XYLT1: variants seen among roughly 807,000 people sequenced by gnomAD.
XYLT1 encodes the protein xylosyltransferase 1.
In XYLT1, 36 loss-of-function variants were observed where a neutral mutation model predicts 91.3. The ratio of observed to expected loss-of-function variants is 0.39; its 90% confidence interval spans 0.30 to 0.52. The LOEUF (loss-of-function observed/expected upper bound fraction) is 0.52, where lower values mean the gene tolerates loss of function less well. Among genes scored for constraint, XYLT1 ranks in the 20% least tolerant of loss-of-function variants. The pLI is 0.68. For missense variants in XYLT1, 1,242 were observed against 1,284.5 expected (o/e 0.97, Z 0.51); for synonymous variants, 588 against 532.0 (o/e 1.11, Z -1.45).
intron 3 of XYLT1, among the ~76,000 whole-genome samples, chr16:17,211,188 C>T (rs182249957): frequency 5.3e-5 from 8 of 152,194 alleles, no homozygotes; most frequent in Middle Eastern, 3.4e-3. Context: ...TGGAGGGATG[C>T]GAAGGAAGCT....
At chr16:17,375,437 A>T (rs958475242) in intron 1 of XYLT1, among the ~76,000 whole-genome samples, 1 of 148,586 alleles carries the variant, frequency 6.7e-6, no homozygotes, top group South Asian at 2.1e-4. Context: ...AATGCAAAAA[A>T]AAAAATAAAA....
In XYLT1 at chr16:17,139,040, G is replaced by GGTACTGAACCAGGTGC. The variant is rs1161477846; in HGVS notation, c.1588-525_1588-510dup. ...GTGGGTGGGGCTGCTTGCTGTCCAT[G>GGTACTGAACCAGGTGC]GTACTGAACCAGGTGCCATATTTTC... On this transcript the variant is annotated intron_variant, in intron 7 of 11. Transcript: ENST00000261381. Among the ~76,000 whole-genome samples, 10 of 152,300 alleles carry GGTACTGAACCAGGTGC rather than the reference G, an allele frequency of 6.6e-5. 1 individual carries two copies. The South Asian group carries it at 1.9e-3, about 28-fold the overall frequency.
chr16:17,431,801 T>G lies in XYLT1; in HGVS notation c.363+38633A>C, dbSNP rs998789437. The stretch of plus-strand genomic sequence containing the variant: ...GCAACAGCGTGACACAGAGCATTTT[T>G]TATAAAAGCGAATCCTTTTTGGAAG... On this transcript the variant is annotated intron_variant, in intron 1 of 11. Coordinates refer to ENST00000261381, the MANE Select transcript of XYLT1 (RefSeq NM_022166.4). Among the ~76,000 whole-genome samples the G allele has an allele frequency of 3.3e-5, 5 of 152,240 alleles. 1 individual carries two copies. The highest frequency in any genetic ancestry group is 4.8e-5 in the African/African-American group (2 of 41,464).
At chr16:17,255,271 T>A (rs2033614165) in intron 3 of XYLT1, among the ~76,000 whole-genome samples, 1 of 152,170 alleles carries the variant, frequency 6.6e-6, no homozygotes, top group Admixed American at 6.5e-5. Context: ...AGTGCTGGGA[T>A]TACAGGCATG....
intron 1 of XYLT1, among the ~76,000 whole-genome samples, chr16:17,360,838 C>T (rs756530946): frequency 1.3e-5 from 2 of 152,194 alleles, no homozygotes; most frequent in Non-Finnish European, 2.9e-5. Context: ...AGGAAAGCCT[C>T]CTGGAGACCA....
chr16:17,145,612 T>C (rs974433484), intron 6 of XYLT1, among the ~76,000 whole-genome samples: 1 of 152,254 alleles, frequency 6.6e-6, no homozygotes, highest in African/African-American at 2.4e-5. Flanking sequence ...ATGGGTTCAC[T>C]TGAGATTCTG....
In XYLT1 at chr16:17,470,546, C is replaced by T; in HGVS notation, c.251G>A (p.Gly84Asp). The part of the protein sequence containing the change: ...PAAARGGGGG[G>D]GGGGGGRGPQ... ...CCCCCGTCCTCCTCCTCCTCCGCCG[C>T]CGCCTCCTCCTCCTCCTCGGGCTGC... The change falls in exon 1 of 12, where the codon GGC (glycine) becomes GAC (aspartate). Residue 84 changes from glycine (G) to aspartate (D), a missense_variant. Gly to Asp is a moderately conservative substitution (Grantham distance 94). This residue lies in a region of XYLT1 where 437 missense variants were observed against 411.5 expected (regional missense o/e 1.06). Transcript: ENST00000261381. 1.6e-6 allele frequency: 2 copies of T among 1,222,580 alleles called. No homozygotes were observed. The highest frequency in any genetic ancestry group is 2.0e-6 in the Non-Finnish European group (2 of 982,482). 75.7% of individuals were successfully genotyped at this position (1,222,580 alleles called of 1,614,324 possible). A position where few individuals can be genotyped will look rare whatever the true frequency, so the allele number is the denominator to read the frequency against.
chr16:17,131,021 C>T (rs1414069807), intron 9 of XYLT1, among the ~76,000 whole-genome samples: 3 of 152,054 alleles, frequency 2.0e-5, no homozygotes, highest in Non-Finnish European at 4.4e-5. Flanking sequence ...TTTACTTGTG[C>T]TTAGGTACTG....
intron 2 of XYLT1, among the ~76,000 whole-genome samples, chr16:17,307,402 C>T (rs1308638902): frequency 6.6e-6 from 1 of 152,166 alleles, no homozygotes; most frequent in Non-Finnish European, 1.5e-5. Flanking sequence ...GCCTTATTTT[C>T]TGGAAGTCAA....
At chr16:17,219,946 A>C (rs1172558616) in intron 3 of XYLT1, among the ~76,000 whole-genome samples, 1 of 152,102 alleles carries the variant, frequency 6.6e-6, no homozygotes. Context: ...CAGGAGAATA[A>C]ACTTTTCTAA....
intron 3 of XYLT1, among the ~76,000 whole-genome samples, chr16:17,246,383 G>A (rs1381976615): frequency 6.6e-6 from 1 of 152,188 alleles, no homozygotes; most frequent in Non-Finnish European, 1.5e-5. Context: ...AATAGCTAGA[G>A]AAAGGTGTTG....
At position 17,104,498 on chromosome 16, in the gene XYLT1, T is replaced by C. The variant is rs1235126196; in HGVS notation, c.*4197A>G. 2 of 152,162 alleles carry C rather than the reference T, an allele frequency of 1.3e-5. No homozygotes were observed. The highest frequency in any genetic ancestry group is 2.9e-5 in the Non-Finnish European group (2 of 68,036). The allele number at this position is 152,162 out of a possible 1,614,324, so 9.4% of individuals were successfully genotyped here. On this transcript the variant is annotated 3_prime_UTR_variant, in exon 12 of 12. Coordinates refer to ENST00000261381, the MANE Select transcript of XYLT1 (RefSeq NM_022166.4). ...ATTCCGAGTTCAACATGGGCTGTTA[T>C]TTTTGCCCTGACCTGATGCTGGCTT...
intron 1 of XYLT1, among the ~76,000 whole-genome samples, chr16:17,390,353 G>C (rs1314447213): frequency 6.6e-6 from 1 of 152,190 alleles, no homozygotes; most frequent in Non-Finnish European, 1.5e-5. Flanking sequence ...TTCGGGGTGG[G>C]GAGTGGTAAG....
At chr16:17,247,606 A>G (rs1354559865) in intron 3 of XYLT1, among the ~76,000 whole-genome samples, 1 of 152,196 alleles carries the variant, frequency 6.6e-6, no homozygotes, top group African/African-American at 2.4e-5. Flanking sequence ...AATCTGTTTT[A>G]TAGGAAAGAC....
Position 17,410,457 on chromosome 16 carries a change from T to C in XYLT1, c.364-52407A>G, listed in dbSNP as rs115939654. Among the ~76,000 whole-genome samples, 1,111 of 152,104 alleles carry C rather than the reference T, an allele frequency of 7.3e-3. 23 individuals carry two copies. Among genetic ancestry groups the C allele is most frequent in the African/African-American group, 0.026 (1,071 of 41,482 alleles). ...GGAAGAGAGAGCTTGTGCGGGAAAT[T>C]TCCCTTTTCAAAACCATCAGATCTC... On this transcript the variant is annotated intron_variant, in intron 1 of 11. Transcript: ENST00000261381.
chr16:17,173,231 G>A (rs146034120), intron 5 of XYLT1, among the ~76,000 whole-genome samples: 20 of 152,330 alleles, frequency 1.3e-4, no homozygotes, highest in African/African-American at 3.8e-4. Flanking sequence ...CAAACAGGAC[G>A]TGTAGTAGAT....
At chr16:17,191,819 G>A (rs2032316029) in intron 5 of XYLT1, among the ~76,000 whole-genome samples, 1 of 152,234 alleles carries the variant, frequency 6.6e-6, no homozygotes, top group Non-Finnish European at 1.5e-5. Context: ...TAACTTACAT[G>A]TCCATGTGGT....
intron 5 of XYLT1, among the ~76,000 whole-genome samples, chr16:17,197,235 C>T (rs1457941073): frequency 1.3e-4 from 19 of 151,888 alleles, no homozygotes; most frequent in Admixed American, 1.2e-3. Flanking sequence ...GGCATGGACC[C>T]ACCTCTGGGC....
chr16:17,256,925 G>A (rs2033641910), intron 3 of XYLT1, among the ~76,000 whole-genome samples: 1 of 152,174 alleles, frequency 6.6e-6, no homozygotes, highest in South Asian at 2.1e-4. Flanking sequence ...CACCTCAGTG[G>A]ATCCCTTCCA....
Sources: allele counts gnomAD v4.1 joint callset (sites outside exome capture counted in the v4.1 genomes callset), GRCh38; gene constraint gnomAD v4.1.1; regional missense constraint gnomAD v4.1.1; transcripts MANE v1.5; gene names NCBI Gene and HGNC (gene_info 2026-07-23, HGNC 2026-07-21).